The following SLC44A5 variants were observed in gnomAD, a reference collection of about 807,000 sequenced individuals.
The protein encoded by SLC44A5 is solute carrier family 44 member 5, also known as choline transporter-like protein 5.
In SLC44A5, 57 loss-of-function variants were observed where a neutral mutation model predicts 101.8. That is an observed-to-expected ratio of 0.56 (90% CI 0.45 to 0.70). The LOEUF is 0.70. Ranked by LOEUF, SLC44A5 falls within the 30% of genes least tolerant of loss-of-function variation. SLC44A5 has a pLI of 0.00. For synonymous variants in SLC44A5, 281 were observed against 290.9 expected (o/e 0.97, Z 0.35); for missense variants, 737 against 853.1 (o/e 0.86, Z 1.70).
At chr1:75,461,722 G>A (rs1349214128) in intron 2 of SLC44A5, among the ~76,000 whole-genome samples, 1 of 152,184 alleles carries the variant, frequency 6.6e-6, no homozygotes, top group Non-Finnish European at 1.5e-5. Flanking sequence ...AGGCCAGGCA[G>A]CATTCACAAT....
chr1:75,475,535 T>C (rs574635682), intron 2 of SLC44A5, among the ~76,000 whole-genome samples: 15 of 152,366 alleles, frequency 9.8e-5, no homozygotes, highest in African/African-American at 3.1e-4. Flanking sequence ...CCTTCTAAAA[T>C]ATCTCCTTGC....
the SLC44A5 span, among the ~76,000 whole-genome samples, chr1:75,670,101 A>G: frequency 1.0e-3 from 155 of 152,320 alleles, no homozygotes; most frequent in Non-Finnish European, 1.9e-3. Flanking sequence ...TCTAAAATAC[A>G]AAAAGAGAAG....
intron 2 of SLC44A5, among the ~76,000 whole-genome samples, chr1:75,496,210 A>G (rs1668663561): frequency 6.6e-6 from 1 of 152,164 alleles, no homozygotes. Context: ...ATTATACTAC[A>G]AAGCTATCCT....
chr1:75,518,930 G>A (rs1181368979), intron 2 of SLC44A5, among the ~76,000 whole-genome samples: 3 of 152,116 alleles, frequency 2.0e-5, no homozygotes, highest in Admixed American at 2.0e-4. Context: ...TGCTGGTGAT[G>A]GTTTCACAAC....
chr1:75,344,312 C>A (rs1658093426), intron 3 of SLC44A5, among the ~76,000 whole-genome samples: 1 of 152,172 alleles, frequency 6.6e-6, no homozygotes, highest in South Asian at 2.1e-4. Context: ...AGACACAGTA[C>A]TTCCATTTGC....
intron 1 of SLC44A5, among the ~76,000 whole-genome samples, chr1:75,552,546 T>G (rs1456972448): frequency 6.6e-6 from 1 of 151,950 alleles, no homozygotes; most frequent in Non-Finnish European, 1.5e-5. Context: ...CAACATCATA[T>G]AAACATATAT....
the SLC44A5 span, among the ~76,000 whole-genome samples, chr1:75,654,088 C>T: frequency 6.6e-6 from 1 of 152,130 alleles, no homozygotes; most frequent in African/African-American, 2.4e-5. Context: ...CTATAATTTT[C>T]TGGTTAAATT....
chr1:75,626,190 C>T, the SLC44A5 span, among the ~76,000 whole-genome samples: 5 of 151,976 alleles, frequency 3.3e-5, no homozygotes, highest in African/African-American at 9.7e-5. Context: ...TATTTTGCTC[C>T]GTCAATGTAA....
chr1:75,397,515 T>C (rs1360368419), intron 2 of SLC44A5, among the ~76,000 whole-genome samples: 2 of 152,148 alleles, frequency 1.3e-5, no homozygotes, highest in Admixed American at 6.5e-5. Flanking sequence ...CATTTGTAAA[T>C]TGTGTTCCTT....
At chr1:75,602,139 CAAATAGGTT>C (rs1245461065) in intron 1 of SLC44A5, among the ~76,000 whole-genome samples, 1 of 152,076 alleles carries the variant, frequency 6.6e-6, no homozygotes, top group Non-Finnish European at 1.5e-5. Flanking sequence ...GTTGTTTTCC[CAAATAGGTT>C]AAATAGGTTA....
intron 7 of SLC44A5, among the ~76,000 whole-genome samples, chr1:75,246,143 T>C (rs1174917717): frequency 6.6e-6 from 1 of 152,162 alleles, no homozygotes; most frequent in Non-Finnish European, 1.5e-5. Context: ...AGCTCTGTAT[T>C]ACCATTTCTA....
intron 1 of SLC44A5, among the ~76,000 whole-genome samples, chr1:75,552,462 A>C (rs78200600): frequency 0.044 from 1,500 of 34,362 alleles, 14 homozygotes; most frequent in Admixed American, 0.06. Flanking sequence ...AGCCTTAAAA[A>C]ATATAACGGC....
chr1:75,241,389 A>G (rs565998070), intron 9 of SLC44A5, among the ~76,000 whole-genome samples: 2 of 151,798 alleles, frequency 1.3e-5, no homozygotes, highest in South Asian at 2.1e-4. Context: ...ATGTCTCACT[A>G]ATTTCTTTTT....
chr1:75,628,352 A>C, the SLC44A5 span, among the ~76,000 whole-genome samples: 1 of 152,120 alleles, frequency 6.6e-6, no homozygotes, highest in Admixed American at 6.6e-5. Flanking sequence ...TTCATCAGTC[A>C]CCTATTTAAA....
intron 4 of SLC44A5, among the ~76,000 whole-genome samples, chr1:75,321,032 G>A (rs1192557263): frequency 6.6e-6 from 1 of 152,096 alleles, no homozygotes; most frequent in Non-Finnish European, 1.5e-5. Flanking sequence ...ATATGTAGGA[G>A]AAAATGCAAA....
intron 1 of SLC44A5, among the ~76,000 whole-genome samples, chr1:75,573,127 CAAAAAAAAA>C (rs745593621): frequency 3.0e-4 from 5 of 16,712 alleles, no homozygotes; most frequent in African/African-American, 9.8e-4. Flanking sequence ...GGCTCCATCT[CAAAAAAAAA>C]AAAAAAAAAA....
chr1:75,544,998 C>G (rs1268269735), intron 1 of SLC44A5, among the ~76,000 whole-genome samples: 1 of 152,098 alleles, frequency 6.6e-6, no homozygotes, highest in East Asian at 1.9e-4. Flanking sequence ...CTAATGCTAT[C>G]CGTCCCCTAG....
intron 2 of SLC44A5, among the ~76,000 whole-genome samples, chr1:75,471,052 G>A (rs1332577707): frequency 6.6e-6 from 1 of 152,066 alleles, no homozygotes; most frequent in Non-Finnish European, 1.5e-5. Context: ...ATGCAGAGAG[G>A]GAAAAATAGA....
chr1:75,675,745 A>C, the SLC44A5 span, among the ~76,000 whole-genome samples: 1 of 152,228 alleles, frequency 6.6e-6, no homozygotes. Context: ...AGCAAAAGAA[A>C]CTATCATCAG....
Sources: gnomAD v4.1 joint callset for allele counts (sites outside exome capture counted in the v4.1 genomes callset) on GRCh38, gnomAD v4.1.1 for gene constraint, MANE v1.5 for transcripts, NCBI Gene and HGNC (gene_info 2026-07-23, HGNC 2026-07-21) for gene names.